The following DHODH variants were observed in gnomAD, a reference collection of about 807,000 sequenced individuals.
DHODH encodes the protein dihydroorotate dehydrogenase (quinone), mitochondrial.
A neutral mutation model predicts 39.7 loss-of-function variants in DHODH; 30 were observed. That is an observed-to-expected ratio of 0.76 (90% confidence interval 0.57 to 1.02). DHODH has a LOEUF of 1.02. DHODH is among the 50% of genes least tolerant of loss of function. The pLI is 0.00. For synonymous variants in DHODH, 222 were observed against 213.8 expected (o/e 1.04, Z -0.34); for missense variants, 531 against 520.8 (o/e 1.02, Z -0.19).
chr16:72,020,355 G>GTATATATATATATATATATATATATA (rs1309420410), intron 4 of DHODH: 2 of 107,532 alleles, frequency 1.9e-5, no homozygotes, highest in Admixed American at 9.1e-5. Flanking sequence ...ATATATATAT[G>GTATATATATATATATATATATATATA]TGTATATATA....
chr16:72,022,465 T>C lies in DHODH; in HGVS notation c.809T>C (p.Val270Ala). 1.3e-6 allele frequency: 2 copies of C among 1,552,968 alleles called. No homozygotes were observed. The highest frequency in any genetic ancestry group is 1.2e-5 in the South Asian group (1 of 84,172). ...TSQDKEDIASVVKELGIDGLI... is the reference protein window; with the variant it reads ...TSQDKEDIASAVKELGIDGLI... ...CAGGATAAGGAGGACATTGCCAGTG[T>C]GGTCAAAGAGGTTTGAGTCGGGGCC... Residue 270 changes from valine (V) to alanine (A), a missense_variant, in exon 6 of 9, where the codon GTG becomes GCG. Transcript: ENST00000219240.
At chr16:72,020,335 A>ATATATATATGTGTG (rs1555530880) in intron 4 of DHODH, 15 of 117,352 alleles carry the variant, frequency 1.3e-4, no homozygotes, top group African/African-American at 5.1e-4. Flanking sequence ...ATGTGTATAT[A>ATATATATATGTGTG]TATATATATA....
At chr16:72,021,847 C>T (rs1405593012) in intron 5 of DHODH, among the ~76,000 whole-genome samples, 3 of 152,054 alleles carry the variant, frequency 2.0e-5, no homozygotes, top group Non-Finnish European at 2.9e-5. Context: ...CCTATAGCCC[C>T]AGCTACTTGG....
chr16:72,012,854 T>G (rs113466592), intron 2 of DHODH, among the ~76,000 whole-genome samples: 21 of 152,296 alleles, frequency 1.4e-4, no homozygotes, highest in Admixed American at 3.3e-4. Context: ...AGAGGGTGTG[T>G]AGGCAGAAGT....
At chr16:72,019,491 G>A (rs986346306) in intron 4 of DHODH, among the ~76,000 whole-genome samples, 3 of 152,138 alleles carry the variant, frequency 2.0e-5, no homozygotes, top group African/African-American at 4.8e-5. Context: ...ACCACTCCCC[G>A]TGCAGATAAG....
rs748279124 is a variant in DHODH at position 72,026,959 on chromosome 16, TTGTGTGTGTG to T, written c.*2802_*2811del. 0.16 allele frequency: 3,379 copies of T among 20,884 alleles called. 73 individuals are homozygous for T. Among genetic ancestry groups the T allele is most frequent in the Non-Finnish European group, 0.21 (2,164 of 10,170 alleles). The allele number at this position is 20,884 out of a possible 1,614,324, so 1.3% of individuals were successfully genotyped here. On this transcript the variant is annotated 3_prime_UTR_variant, in exon 9 of 9. Coordinates refer to ENST00000219240, the MANE Select transcript of DHODH (RefSeq NM_001361.5). ...GTGCCCACTACCACACCCAGCTAAT[TTGTGTGTGTG>T]TGTGTGTGTGTGTGTGTGTGTGTGT...
intron 3 of DHODH, chr16:72,016,776 G>C: frequency 2.1e-6 from 1 of 466,928 alleles, no homozygotes; most frequent in East Asian, 4.3e-5. Flanking sequence ...GCAGGTCTGG[G>C]GCAGCTGCTG....
rs763498232 is a variant in DHODH, at chr16:72,021,295, G to A, written c.689G>A (p.Arg230His). The A allele has an allele frequency of 1.0e-5, 16 of 1,607,360 alleles. No individual in the cohort carries two copies. The highest frequency in any genetic ancestry group is 4.0e-5 in the African/African-American group (3 of 74,852). The change falls in exon 5 of 9, where the codon CGC becomes CAC. Residue 230 changes from arginine to histidine, a missense_variant. Arg to His is a conservative substitution (Grantham distance 29). Coordinates refer to ENST00000219240, the MANE Select transcript of DHODH (RefSeq NM_001361.5). ...AGCCTTCAGGGAAAGGCCGAGCTGCGCCGCCTGCTGACCAAGGTGGGCAGC... is the reference window on the plus strand; with the variant it reads ...AGCCTTCAGGGAAAGGCCGAGCTGCACCGCCTGCTGACCAAGGTGGGCAGC... ...LRSLQGKAEL[R>H]RLLTKVLQER... is the part of the protein sequence containing the mutation.
chr16:72,022,287 C>T, intron 5 of DHODH, 75 bp from the exon 6 acceptor site: 1 of 1,086,204 alleles, frequency 9.2e-7, no homozygotes. Context: ...ACCCACTGAC[C>T]TGCAGCGTAG....
Position 72,021,259 on chromosome 16 carries a change from C to A in DHODH, c.653C>A (p.Ala218Asp). The change falls in exon 5 of 9, where the codon GCC (alanine) becomes GAC (aspartate). Residue 218 changes from alanine (A) to aspartate (D), a missense_variant. By Grantham distance (126) the Ala-to-Asp change is moderately radical. Transcript: ENST00000219240. Reference protein sequence around the residue: ...LVVNVSSPNTAGLRSLQGKAE... With the variant: ...LVVNVSSPNTDGLRSLQGKAE... ...GTGAATGTGTCCAGCCCCAACACTG[C>A]CGGGCTGCGGAGCCTTCAGGGAAAG... The A allele has an allele frequency of 1.2e-6, 2 of 1,612,656 alleles. No individual in the cohort carries two copies. The highest frequency in any genetic ancestry group is 8.5e-7 in the Non-Finnish European group (1 of 1,179,640).
intron 3 of DHODH, among the ~76,000 whole-genome samples, 180 bp downstream of exon 3, chr16:72,014,852 C>T (rs1433880078): frequency 6.6e-6 from 1 of 152,218 alleles, no homozygotes; most frequent in Non-Finnish European, 1.5e-5. Context: ...TCTTGAAAAG[C>T]ATGCTTTGTT....
At chr16:72,010,359 T>C (rs2041069431) in intron 1 of DHODH, among the ~76,000 whole-genome samples, 1 of 152,226 alleles carries the variant, frequency 6.6e-6, no homozygotes. Context: ...AACTCGTTTA[T>C]CCCTTGAGTA....
At chr16:72,021,074 G>A (rs533490624) in intron 4 of DHODH, 50 bp from the exon 5 acceptor site, 5 of 1,537,974 alleles carry the variant, frequency 3.3e-6, no homozygotes, top group African/African-American at 1.4e-5. Flanking sequence ...CTCAGAAGGT[G>A]GCACAGGAAA....
At chr16:72,012,896 G>A (rs1268779572) in intron 2 of DHODH, among the ~76,000 whole-genome samples, 1 of 152,156 alleles carries the variant, frequency 6.6e-6, no homozygotes, top group African/African-American at 2.4e-5. Context: ...AGAGGCCAGT[G>A]TCAGCGGAAG....
In DHODH at chr16:72,022,397, C is replaced by G. The variant is rs2041229583; in HGVS notation, c.741C>G (p.His247Gln). 1 of 1,556,298 alleles carries G rather than the reference C, an allele frequency of 6.4e-7. No individual in the cohort carries two copies. Among genetic ancestry groups the G allele is most frequent in the Non-Finnish European group, 8.7e-7 (1 of 1,149,788 alleles). Residue 247 changes from histidine (H) to glutamine (Q), a missense_variant, in exon 6 of 9, where the codon CAC becomes CAG. By Grantham distance (24) the His-to-Gln change is conservative. Coordinates refer to ENST00000219240, the MANE Select transcript of DHODH (RefSeq NM_001361.5). Reference sequence around the variant, plus strand: ...AGAGGGATGGCTTGCGGAGAGTGCACAGGCCGGCAGTCCTGGTGAAGATCG... The same window carrying G: ...AGAGGGATGGCTTGCGGAGAGTGCAGAGGCCGGCAGTCCTGGTGAAGATCG... ...LQERDGLRRV[H>Q]RPAVLVKIAP...
Position 72,024,463 on chromosome 16 carries a change from G to A in DHODH, c.*264G>A, listed in dbSNP as rs1435902884. The A allele has an allele frequency of 7.4e-5, 39 of 525,804 alleles. No individual in the cohort carries two copies. The highest frequency in any genetic ancestry group is 1.3e-4 in the Non-Finnish European group (37 of 290,300). 32.6% of individuals were successfully genotyped at this position (525,804 alleles called of 1,614,324 possible). A position where few individuals can be genotyped will look rare whatever the true frequency, so the allele number is the denominator to read the frequency against. ...AGTCTTGCAAGGACATTGAATATTAGGAGGAAAAAGTCATGGAAAAAATAA... is the reference window on the plus strand; with the variant it reads ...AGTCTTGCAAGGACATTGAATATTAAGAGGAAAAAGTCATGGAAAAAATAA... On this transcript the variant is annotated 3_prime_UTR_variant, in exon 9 of 9. Coordinates refer to ENST00000219240, the MANE Select transcript of DHODH (RefSeq NM_001361.5).
At chr16:72,021,358 C>T (rs2041215463) in intron 5 of DHODH, 47 bp downstream of exon 5, 1 of 1,547,250 alleles carries the variant, frequency 6.5e-7, no homozygotes, top group Non-Finnish European at 8.7e-7. Flanking sequence ...CAGCCTGTCC[C>T]ACCTGCTCCC....
At chr16:72,019,957 C>A (rs943745351) in intron 4 of DHODH, among the ~76,000 whole-genome samples, 1 of 152,136 alleles carries the variant, frequency 6.6e-6, no homozygotes. Context: ...GCCTGGCCAA[C>A]ATGGTGAAAC....
rs267606766 is a variant in DHODH, at chr16:72,017,043, G to A, written c.454G>A (p.Gly152Arg). The A allele has an allele frequency of 1.4e-4, 229 of 1,613,816 alleles. No individual in the cohort carries two copies. Among genetic ancestry groups the A allele is most frequent in the Non-Finnish European group, 1.8e-4 (215 of 1,179,974 alleles). Residue 152 changes from glycine to arginine, a missense_variant, in exon 4 of 9, where the codon GGG becomes AGG. Coordinates refer to ENST00000219240, the MANE Select transcript of DHODH (RefSeq NM_001361.5). ...CTGCAGGTATGGATTTAACAGTCAC[G>A]GGCTTTCAGTGGTGGAACACAGGTT... is the stretch of plus-strand genomic sequence containing the variant. ...VINRYGFNSHGLSVVEHRLRA... is the reference protein window; with the variant it reads ...VINRYGFNSHRLSVVEHRLRA...
Sources: gnomAD v4.1 joint callset for allele counts (sites outside exome capture counted in the v4.1 genomes callset) on GRCh38, gnomAD v4.1.1 for gene constraint, MANE v1.5 for transcripts, NCBI Gene and HGNC (gene_info 2026-07-23, HGNC 2026-07-21) for gene names.